The following NR3C2 variants were observed in gnomAD, a reference collection of about 807,000 sequenced individuals.
NR3C2 encodes the protein nuclear receptor subfamily 3 group C member 2, also known as mineralocorticoid receptor.
In NR3C2, 15 loss-of-function variants were observed where a neutral mutation model predicts 86.4. That is an observed-to-expected ratio of 0.17 (90% confidence interval 0.12 to 0.27). NR3C2 has a LOEUF of 0.27. Ranked by LOEUF, NR3C2 falls within the 10% of genes least tolerant of loss-of-function variation. The pLI is 1.00. For missense variants in NR3C2, 960 were observed against 1,195.6 expected, an observed-to-expected ratio of 0.80 and a Z score of 2.91; for synonymous variants, 458 against 450.5, an observed-to-expected ratio of 1.02 and a Z score of -0.21.
intron 2 of NR3C2, among the ~76,000 whole-genome samples, chr4:148,365,707 T>C (rs1746079745): frequency 6.6e-6 from 1 of 151,928 alleles, no homozygotes; most frequent in African/African-American, 2.4e-5. Flanking sequence ...TACAACCATG[T>C]GATATGAAAA....
intron 2 of NR3C2, among the ~76,000 whole-genome samples, chr4:148,318,558 G>T (rs1333797463): frequency 6.6e-6 from 1 of 151,848 alleles, no homozygotes; most frequent in Non-Finnish European, 1.5e-5. Flanking sequence ...ACTTTTTAAT[G>T]ATGGCCATTC....
chr4:148,261,060 A>G (rs1740073194), intron 2 of NR3C2, among the ~76,000 whole-genome samples: 1 of 152,238 alleles, frequency 6.6e-6, no homozygotes, highest in East Asian at 1.9e-4. Flanking sequence ...AGATACCAAG[A>G]GAAAAAATAC....
chr4:148,255,107 C>A (rs1168338748), intron 3 of NR3C2, among the ~76,000 whole-genome samples: 1 of 152,106 alleles, frequency 6.6e-6, no homozygotes, highest in East Asian at 1.9e-4. Context: ...CCTGCTGGCA[C>A]CCTCACTTGT....
chr4:148,393,581 G>A (rs1747701439), intron 2 of NR3C2, among the ~76,000 whole-genome samples: 1 of 152,156 alleles, frequency 6.6e-6, no homozygotes, highest in African/African-American at 2.4e-5. Context: ...ACCTAAAGGT[G>A]GCAGCCTACT....
intron 2 of NR3C2, among the ~76,000 whole-genome samples, chr4:148,406,079 C>G (rs141397864): frequency 0.01 from 1,539 of 152,168 alleles, 13 homozygotes; most frequent in Middle Eastern, 0.031. Context: ...GGCAGGAGGA[C>G]TGCTTGAGCC....
At chr4:148,248,345 T>C (rs994391368) in intron 3 of NR3C2, among the ~76,000 whole-genome samples, 7 of 152,210 alleles carry the variant, frequency 4.6e-5, no homozygotes, top group African/African-American at 1.7e-4. Context: ...TGAGCCCAGT[T>C]CAGCTGGGAA....
At chr4:148,234,926 A>G (rs1738670921) in intron 3 of NR3C2, among the ~76,000 whole-genome samples, 1 of 152,230 alleles carries the variant, frequency 6.6e-6, no homozygotes, top group East Asian at 1.9e-4. Flanking sequence ...TGCGTTTAAA[A>G]CTTAAACTAG....
intron 4 of NR3C2, 22 bp downstream of exon 4, chr4:148,194,724 A>G: frequency 6.6e-7 from 1 of 1,509,686 alleles, no homozygotes; most frequent in Non-Finnish European, 9.2e-7. Context: ...AATTTTTATT[A>G]AACTAAAAAT....
At position 148,261,240 on chromosome 4, in the gene NR3C2, C is replaced by A. The variant is rs568595426; in HGVS notation, c.1758-1123G>T. Among the ~76,000 whole-genome samples, 9 of 151,240 alleles carry A rather than the reference C, an allele frequency of 6.0e-5. No homozygotes were observed. The East Asian group carries it at 1.8e-3, about 30-fold the overall frequency. ...AAGCCCTATGGTGCACTATGGTAAG[C>A]GCTATGGTGCACTATGGTCAGCGCT... On this transcript the variant is annotated intron_variant, in intron 2 of 8. Coordinates refer to ENST00000358102, the MANE Select transcript of NR3C2 (RefSeq NM_000901.5).
intron 2 of NR3C2, among the ~76,000 whole-genome samples, chr4:148,343,028 AT>A (rs1744824593): frequency 6.6e-6 from 1 of 152,166 alleles, no homozygotes; most frequent in Non-Finnish European, 1.5e-5. Flanking sequence ...CATTTTGGAG[AT>A]TAATATGGTA....
At chr4:148,124,748 C>A (rs958384096) in intron 6 of NR3C2, among the ~76,000 whole-genome samples, 1 of 152,154 alleles carries the variant, frequency 6.6e-6, no homozygotes, top group African/African-American at 2.4e-5. Context: ...TCATGTCTTC[C>A]ACATTAGCCT....
intron 8 of NR3C2, among the ~76,000 whole-genome samples, chr4:148,102,080 G>A (rs1224135427): frequency 6.6e-6 from 1 of 152,108 alleles, no homozygotes; most frequent in Non-Finnish European, 1.5e-5. Flanking sequence ...CAGGCCCCTC[G>A]TTGGCAAAAT....
At chr4:148,285,205 C>T (rs1307187004) in intron 2 of NR3C2, among the ~76,000 whole-genome samples, 1 of 152,110 alleles carries the variant, frequency 6.6e-6, no homozygotes, top group Non-Finnish European at 1.5e-5. Context: ...GTTATTTACC[C>T]CTTGTTGCAG....
At chr4:148,139,643 G>T (rs1375567341) in intron 6 of NR3C2, among the ~76,000 whole-genome samples, 3 of 152,174 alleles carry the variant, frequency 2.0e-5, no homozygotes, top group Non-Finnish European at 2.9e-5. Context: ...CACACCTGTA[G>T]GTATGTATGT....
intron 2 of NR3C2, among the ~76,000 whole-genome samples, chr4:148,380,272 T>C (rs1162777025): frequency 6.6e-6 from 1 of 152,220 alleles, no homozygotes; most frequent in Non-Finnish European, 1.5e-5. Flanking sequence ...GGTTTATCCA[T>C]GTTGTAGCAT....
At chr4:148,185,109 C>T (rs754268291) in intron 4 of NR3C2, among the ~76,000 whole-genome samples, 11 of 152,238 alleles carry the variant, frequency 7.2e-5, no homozygotes, top group African/African-American at 9.6e-5. Flanking sequence ...ACTCAGTAAT[C>T]GCTTTCTTCT....
chr4:148,172,674 T>C (rs2149785205), intron 4 of NR3C2, among the ~76,000 whole-genome samples: 1 of 152,348 alleles, frequency 6.6e-6, no homozygotes, highest in Non-Finnish European at 1.5e-5. Context: ...TATTCATTCA[T>C]TCATTCAATA....
chr4:148,158,844 C>T (rs1007585957), intron 4 of NR3C2, among the ~76,000 whole-genome samples: 8 of 152,080 alleles, frequency 5.3e-5, no homozygotes, highest in Non-Finnish European at 8.8e-5. Context: ...AGCTGATTAT[C>T]GACATCACAT....
intron 4 of NR3C2, among the ~76,000 whole-genome samples, chr4:148,168,990 T>C (rs1368763647): frequency 6.6e-6 from 1 of 152,218 alleles, no homozygotes; most frequent in East Asian, 1.9e-4. Flanking sequence ...TAAAGAATTG[T>C]TGTTGACCTG....
Sources: allele counts gnomAD v4.1 joint callset (sites outside exome capture counted in the v4.1 genomes callset), GRCh38; gene constraint gnomAD v4.1.1; transcripts MANE v1.5; gene names NCBI Gene and HGNC (gene_info 2026-07-23, HGNC 2026-07-21).